SYNJ1: variants seen among roughly 807,000 people sequenced by gnomAD.
SYNJ1 encodes polyphosphatidylinositol phosphatase SYNJ1.
Under a neutral mutation model 168.2 loss-of-function variants are expected in SYNJ1, and 78 were observed. The observed-to-expected ratio is 0.46, with a 90% confidence interval of 0.39 to 0.56. The LOEUF is 0.56. SYNJ1 is among the 20% of genes least tolerant of loss of function. The probability of loss-of-function intolerance (pLI) is 0.00; values close to 1 mark genes in which losing one functional copy is unlikely to be tolerated. For synonymous variants in SYNJ1, 539 were observed against 548.6 expected, an observed-to-expected ratio of 0.98 and a Z score of 0.24; for missense variants, 1,303 against 1,597.6, an observed-to-expected ratio of 0.82 and a Z score of 3.14.
intron 31 of SYNJ1, among the ~76,000 whole-genome samples, chr21:32,637,235 T>G (rs985011544): frequency 2.0e-5 from 3 of 152,060 alleles, no homozygotes; most frequent in Non-Finnish European, 4.4e-5. Flanking sequence ...GAGTGGCTAG[T>G]TGAAAAAGTT....
At chr21:32,649,419 G>C (rs1453429256) in intron 23 of SYNJ1, among the ~76,000 whole-genome samples, 1 of 152,174 alleles carries the variant, frequency 6.6e-6, no homozygotes, top group African/African-American at 2.4e-5. Flanking sequence ...GGCTAGAATA[G>C]CATATTGTGT....
intron 8 of SYNJ1, among the ~76,000 whole-genome samples, chr21:32,686,508 G>C (rs576575865): frequency 1.3e-5 from 2 of 152,066 alleles, no homozygotes; most frequent in South Asian, 2.1e-4. Context: ...GCAATTTTGG[G>C]GTTCTTTTTG....
Position 32,641,105 on chromosome 21 carries a change from G to A in SYNJ1, c.3588+791C>T, listed in dbSNP as rs891534963. On this transcript the variant is annotated intron_variant, in intron 29 of 32. Transcript: ENST00000674351. ...ACAGCTACAACAGAAAAGACAAAAA[G>A]CTTCTATCTTCATAGGAAGTGGTTT... is the stretch of plus-strand genomic sequence containing the variant. Among the ~76,000 whole-genome samples the A allele has an allele frequency of 1.2e-4, 19 of 152,266 alleles. No homozygotes were observed. The Middle Eastern group carries it at 0.02, about 164-fold the overall frequency.
intron 6 of SYNJ1, among the ~76,000 whole-genome samples, chr21:32,693,297 A>C (rs1472683984): frequency 6.6e-6 from 1 of 152,214 alleles, no homozygotes; most frequent in African/African-American, 2.4e-5. Flanking sequence ...ATTTAGGGAA[A>C]GATATATCTA....
intron 22 of SYNJ1, among the ~76,000 whole-genome samples, chr21:32,652,577 G>T (rs1163230986): frequency 6.6e-6 from 1 of 152,200 alleles, no homozygotes; most frequent in African/African-American, 2.4e-5. Context: ...TGCTCACAGA[G>T]TTGCTCAGTG....
chr21:32,701,615 GA>G (rs2042404503), intron 3 of SYNJ1, among the ~76,000 whole-genome samples: 1 of 149,550 alleles, frequency 6.7e-6, no homozygotes, highest in African/African-American at 2.5e-5. Context: ...TACAAACCAA[GA>G]AAAATCAGTG....
intron 10 of SYNJ1, among the ~76,000 whole-genome samples, chr21:32,683,366 A>G (rs2041697035): frequency 6.6e-6 from 1 of 152,016 alleles, no homozygotes; most frequent in African/African-American, 2.4e-5. Flanking sequence ...AAAACGTTGC[A>G]AACAGCGACC....
At chr21:32,715,331 G>C (rs1328930278) in intron 2 of SYNJ1, among the ~76,000 whole-genome samples, 2 of 152,032 alleles carry the variant, frequency 1.3e-5, no homozygotes, top group Non-Finnish European at 2.9e-5. Context: ...AAAATCAGCT[G>C]GGCATGGTGG....
intron 2 of SYNJ1, among the ~76,000 whole-genome samples, chr21:32,709,197 C>T (rs1444815172): frequency 6.6e-6 from 1 of 152,040 alleles, no homozygotes; most frequent in African/African-American, 2.4e-5. Context: ...TAAGAAAAAA[C>T]ACTGCCGGTT....
chr21:32,685,033 A>C (rs567691587), intron 9 of SYNJ1, among the ~76,000 whole-genome samples: 3 of 151,594 alleles, frequency 2.0e-5, no homozygotes, highest in Admixed American at 6.6e-5. Flanking sequence ...CAAAAAAAAA[A>C]CAGCCGGGAG....
intron 32 of SYNJ1, among the ~76,000 whole-genome samples, chr21:32,633,055 T>G (rs1355985301): frequency 6.6e-6 from 1 of 152,090 alleles, no homozygotes; most frequent in Non-Finnish European, 1.5e-5. Flanking sequence ...TGTGACAACT[T>G]TCCATAAAAA....
chr21:32,673,521 T>G lies in SYNJ1; in HGVS notation c.1545A>C (p.Lys515Asn). The change falls in exon 14 of 33, where the codon AAA (lysine) becomes AAC (asparagine). Residue 515 changes from lysine (K) to asparagine (N), a missense_variant. Lys to Asn is a moderately conservative substitution (Grantham distance 94). Transcript: ENST00000674351. The stretch of plus-strand genomic sequence containing the variant: ...AATTCTCACACATGCTCTTTAGTAC[T>G]TTAGAAGATGCTAATCAAGAGAAGA... ...SEQTLQSASS[K>N]VLKSMCENFY... 6.2e-7 allele frequency: 1 copy of G among 1,603,150 alleles called. No homozygotes were observed. The highest frequency in any genetic ancestry group is 8.5e-7 in the Non-Finnish European group (1 of 1,175,064).
Position 32,668,009 on chromosome 21 carries a change from ATGTGTGTGTG to A in SYNJ1, c.1812-1446_1812-1437del, listed in dbSNP as rs3056370. ...ACTACTTTATTAAAGAAGAATATAT[ATGTGTGTGTG>A]TGTGTGTGTGTGTGTGTGTGTGTGT... On this transcript the variant is annotated intron_variant, in intron 15 of 32. Transcript: ENST00000674351. Among the ~76,000 whole-genome samples, 687 of 143,994 alleles carry A rather than the reference ATGTGTGTGTG, an allele frequency of 4.8e-3. 4 individuals are homozygous for A. The highest frequency in any genetic ancestry group is 0.013 in the African/African-American group (512 of 38,862). The allele number at this position is 143,994 out of a possible 152,430, so 94.5% of individuals were successfully genotyped here. A position where few individuals can be genotyped will look rare whatever the true frequency, so the allele number is the denominator to read the frequency against.
intron 2 of SYNJ1, among the ~76,000 whole-genome samples, chr21:32,712,309 A>C (rs2042858108): frequency 2.6e-5 from 4 of 152,228 alleles, no homozygotes; most frequent in Admixed American, 2.0e-4. Flanking sequence ...CCTAGAGATC[A>C]TGTAATCCAA....
chr21:32,710,279 T>A (rs987931221), intron 2 of SYNJ1, among the ~76,000 whole-genome samples: 3 of 152,034 alleles, frequency 2.0e-5, no homozygotes, highest in Non-Finnish European at 4.4e-5. Flanking sequence ...AAAACAAAAG[T>A]GTCCATGAGT....
chr21:32,646,461 G>C lies in SYNJ1; in HGVS notation c.3179C>G (p.Pro1060Arg), dbSNP rs1430500307. Residue 1060 changes from proline (P) to arginine (R), a missense_variant, in exon 24 of 33, where the codon CCT becomes CGT. Transcript: ENST00000674351. ...TGGTCTGATGGGAAGGGAAGGTACA[G>C]GACCCTCTGATATTGTAGGTGACTG... is the stretch of plus-strand genomic sequence containing the variant. ...PCQSPTISEGPVPSLPIRPSR... is the reference protein window; with the variant it reads ...PCQSPTISEGRVPSLPIRPSR... The C allele has an allele frequency of 4.3e-6, 7 of 1,614,076 alleles. No homozygotes were observed. Among genetic ancestry groups the C allele is most frequent in the Non-Finnish European group, 5.9e-6 (7 of 1,180,048 alleles).
intron 4 of SYNJ1, among the ~76,000 whole-genome samples, chr21:32,697,453 CT>C (rs2042248811): frequency 6.6e-6 from 1 of 151,384 alleles, no homozygotes; most frequent in Non-Finnish European, 1.5e-5. Context: ...AAATCTCAGG[CT>C]TTCTTTTATC....
At chr21:32,654,062 AAG>A (rs1290611434) in intron 21 of SYNJ1, 1 of 152,180 alleles carries the variant, frequency 6.6e-6, no homozygotes, top group Non-Finnish European at 1.5e-5. Context: ...TTATTCAAAA[AAG>A]AACAAATTAT....
Position 32,629,380 on chromosome 21 carries a change from A to G in SYNJ1, c.*2425T>C, listed in dbSNP as rs1303254865. On this transcript the variant is annotated 3_prime_UTR_variant, in exon 33 of 33. Coordinates refer to ENST00000674351, the MANE Select transcript of SYNJ1 (RefSeq NM_203446.3). ...CAAAAAGCACAATATAAAACTCACA[A>G]GAGTTATTTCTAACAGCAAATCTTG... 5 of 152,636 alleles carry G rather than the reference A, an allele frequency of 3.3e-5. No homozygotes were observed. The highest frequency in any genetic ancestry group is 2.0e-4 in the Admixed American group (3 of 15,282). 9.5% of individuals were successfully genotyped at this position (152,636 alleles called of 1,614,324 possible).
Sources: gnomAD v4.1 joint callset for allele counts (sites outside exome capture counted in the v4.1 genomes callset) on GRCh38, gnomAD v4.1.1 for gene constraint, MANE v1.5 for transcripts, NCBI Gene and HGNC (gene_info 2026-07-23, HGNC 2026-07-21) for gene names.